Variants in CATSPERE observed in about 807,000 individuals in gnomAD.
The protein encoded by CATSPERE is cation channel sperm-associated auxiliary subunit epsilon.
A neutral mutation model predicts 114.1 loss-of-function variants in CATSPERE; 93 were observed. The observed-to-expected ratio is 0.81, with a 90% CI of 0.69 to 0.97. The LOEUF is 0.97. CATSPERE is among the 50% of genes least tolerant of loss of function. The probability of loss-of-function intolerance (pLI) is 0.00; values close to 1 mark genes in which losing one functional copy is unlikely to be tolerated. For synonymous variants in CATSPERE, 341 were observed against 384.1 expected, an observed-to-expected ratio of 0.89 and a Z score of 1.31; for missense variants, 1,058 against 1,131.6, an observed-to-expected ratio of 0.93 and a Z score of 0.93.
intron 8 of CATSPERE, among the ~76,000 whole-genome samples, chr1:244,545,288 A>G (rs924415776): frequency 6.6e-6 from 1 of 152,180 alleles, no homozygotes; most frequent in Non-Finnish European, 1.5e-5. Flanking sequence ...ATAACCAAGA[A>G]AGAGGCACAA....
At chr1:244,496,303 C>T (rs1034815959) in intron 6 of CATSPERE, among the ~76,000 whole-genome samples, 3 of 152,282 alleles carry the variant, frequency 2.0e-5, no homozygotes, top group South Asian at 2.1e-4. Context: ...AAAGGTGTTA[C>T]ATTCCAGAAG....
At chr1:244,533,889 C>CTAA (rs35750576) in intron 8 of CATSPERE, among the ~76,000 whole-genome samples, 132,314 of 151,890 alleles carry the variant, frequency 0.87, 58,557 homozygotes, top group East Asian at 1. Context: ...TGATTGCTCA[C>CTAA]TGTCTTTTTC....
At chr1:244,558,422 T>G (rs188890233) in intron 9 of CATSPERE, among the ~76,000 whole-genome samples, 117 of 152,310 alleles carry the variant, frequency 7.7e-4, no homozygotes, top group African/African-American at 2.7e-3. Flanking sequence ...TTCTAGCATT[T>G]CCATTTTGTT....
rs59188708 is a variant in CATSPERE at position 244,630,596 on chromosome 1, T to G, written c.2649-4893T>G. On this transcript the variant is annotated intron_variant, in intron 20 of 21. Coordinates refer to ENST00000366534, the MANE Select transcript of CATSPERE (RefSeq NM_001130957.2). Reference sequence around the variant, plus strand: ...TTCGGAACAGTTCAACCAAATAACTTAAATTGAGTTATTCTAGGTGTTGCA... The same window carrying G: ...TTCGGAACAGTTCAACCAAATAACTGAAATTGAGTTATTCTAGGTGTTGCA... Among the ~76,000 whole-genome samples the G allele has an allele frequency of 9.5e-3, 1,439 of 152,268 alleles. 6 individuals carry two copies. Among genetic ancestry groups the G allele is most frequent in the Middle Eastern group, 0.037 (11 of 294 alleles).
At chr1:244,525,291 A>G (rs909530514) in intron 8 of CATSPERE, among the ~76,000 whole-genome samples, 7 of 142,126 alleles carry the variant, frequency 4.9e-5, no homozygotes, top group Non-Finnish European at 9.0e-5. Context: ...TTGAACAATG[A>G]GAACACATGG....
At position 244,613,307 on chromosome 1, in the gene CATSPERE, C is replaced by A. The variant is rs145575881; in HGVS notation, c.2490+2981C>A. 6.8e-3 allele frequency among the ~76,000 whole-genome samples: 1,039 copies of A among 152,172 alleles called. 9 individuals carry two copies. The highest frequency in any genetic ancestry group is 0.02 in the Middle Eastern group (6 of 294). On this transcript the variant is annotated intron_variant, in intron 19 of 21. Transcript: ENST00000366534. ...GTGGGGATACATCAAAAAAACAAGT[C>A]TTTTACTTATTTTTCATTAACCCAA... is the stretch of plus-strand genomic sequence containing the variant.
intron 8 of CATSPERE, among the ~76,000 whole-genome samples, chr1:244,524,147 T>G (rs1299535075): frequency 2.0e-5 from 3 of 148,392 alleles, no homozygotes; most frequent in Non-Finnish European, 4.4e-5. Flanking sequence ...GAGATATAGA[T>G]CAATGGAACA....
At chr1:244,610,744 A>G (rs912303690) in intron 19 of CATSPERE, among the ~76,000 whole-genome samples, 11 of 130,596 alleles carry the variant, frequency 8.4e-5, no homozygotes, top group African/African-American at 3.3e-4. Context: ...ATTTCTCCCT[A>G]TTTTCTTTCC....
chr1:244,638,265 A>T (rs750506518), intron 21 of CATSPERE, among the ~76,000 whole-genome samples: 1 of 152,224 alleles, frequency 6.6e-6, no homozygotes, highest in Non-Finnish European at 1.5e-5. Context: ...TTCTCATTAC[A>T]ATAGCTTTGG....
At chr1:244,500,134 A>C (rs1201450413) in intron 7 of CATSPERE, among the ~76,000 whole-genome samples, 5 of 152,150 alleles carry the variant, frequency 3.3e-5, no homozygotes, top group Non-Finnish European at 1.5e-5. Context: ...TGCTGGCTGC[A>C]TAAATGTCTT....
At chr1:244,463,979 A>C in intron 2 of CATSPERE, 23 bp downstream of exon 2, 1 of 1,531,178 alleles carries the variant, frequency 6.5e-7, no homozygotes, top group South Asian at 1.1e-5. Context: ...TTTTTAATAA[A>C]CTATAGTTAA....
chr1:244,519,154 C>G (rs939301157), intron 8 of CATSPERE, among the ~76,000 whole-genome samples: 1 of 152,112 alleles, frequency 6.6e-6, no homozygotes, highest in Non-Finnish European at 1.5e-5. Context: ...GGGCAAGGTG[C>G]TTTTAACTAA....
intron 11 of CATSPERE, among the ~76,000 whole-genome samples, chr1:244,577,513 G>A (rs1304182644): frequency 6.6e-6 from 1 of 152,182 alleles, no homozygotes; most frequent in African/African-American, 2.4e-5. Flanking sequence ...TCATAGTTCT[G>A]GAGGCTGGGA....
chr1:244,514,061 T>G (rs755418391), intron 7 of CATSPERE, among the ~76,000 whole-genome samples: 9 of 152,230 alleles, frequency 5.9e-5, no homozygotes, highest in Non-Finnish European at 1.3e-4. Context: ...TTTATTCTGT[T>G]CATAGGGACT....
At chr1:244,605,645 C>A in intron 17 of CATSPERE, 50 bp from the exon 18 acceptor site, 1 of 1,240,092 alleles carries the variant, frequency 8.1e-7, no homozygotes. Context: ...AACTCTTAAC[C>A]CCTCTATTTT....
chr1:244,571,494 T>C (rs1440358089), intron 10 of CATSPERE, among the ~76,000 whole-genome samples: 3 of 152,226 alleles, frequency 2.0e-5, no homozygotes, highest in Non-Finnish European at 4.4e-5. Context: ...TTACCCACTA[T>C]GACCCACTGT....
At chr1:244,529,307 G>T (rs1679223987) in intron 8 of CATSPERE, among the ~76,000 whole-genome samples, 4 of 151,434 alleles carry the variant, frequency 2.6e-5, no homozygotes, top group Admixed American at 2.6e-4. Flanking sequence ...GCATACAGGG[G>T]CTCCCTTTCT....
In CATSPERE at chr1:244,616,602, C is replaced by T. The variant is rs74550629; in HGVS notation, c.2491-927C>T. On this transcript the variant is annotated intron_variant, in intron 19 of 21. Coordinates refer to ENST00000366534, the MANE Select transcript of CATSPERE (RefSeq NM_001130957.2). ...GGGTGAGGGCGAGTGAGAGGGCAGG[C>T]GAGGGAGGCTGAACTCATCCTTTTA... Among the ~76,000 whole-genome samples, 1,116 of 152,176 alleles carry T rather than the reference C, an allele frequency of 7.3e-3. 6 individuals are homozygous for T. The highest frequency in any genetic ancestry group is 0.028 in the South Asian group (135 of 4,818).
rs527347575 is a variant in CATSPERE, at chr1:244,574,281, A to G, written c.1950+1509A>G. Reference sequence around the variant, plus strand: ...ATGCCTGTGAGCACGTCCAGCACAGATATCTCGGTTAAAGTACAAGGACAC... The same window carrying G: ...ATGCCTGTGAGCACGTCCAGCACAGGTATCTCGGTTAAAGTACAAGGACAC... On this transcript the variant is annotated intron_variant, in intron 11 of 21. Transcript: ENST00000366534. Among the ~76,000 whole-genome samples the G allele has an allele frequency of 3.3e-5, 5 of 152,338 alleles. No homozygotes were observed. The East Asian group carries it at 9.6e-4, about 29-fold the overall frequency.
Sources: allele counts gnomAD v4.1 joint callset (sites outside exome capture counted in the v4.1 genomes callset), GRCh38; gene constraint gnomAD v4.1.1; transcripts MANE v1.5; gene names NCBI Gene and HGNC (gene_info 2026-07-23, HGNC 2026-07-21).